Variants in PDE4B observed in about 807,000 individuals in gnomAD.
PDE4B encodes the protein 3',5'-cyclic-AMP phosphodiesterase 4B.
In PDE4B, 20 loss-of-function variants were observed where a neutral mutation model predicts 82.2. The ratio of observed to expected loss-of-function variants is 0.24; its 90% confidence interval spans 0.17 to 0.35. The LOEUF (loss-of-function observed/expected upper bound fraction) is 0.35, where lower values mean the gene tolerates loss of function less well. Among genes scored for constraint, PDE4B ranks in the 10% least tolerant of loss-of-function variants. The pLI is 1.00. For synonymous variants in PDE4B, 320 were observed against 318.9 expected, an observed-to-expected ratio of 1.00 and a Z score of -0.04; for missense variants, 655 against 907.2, an observed-to-expected ratio of 0.72 and a Z score of 3.57.
chr1:66,226,419 G>A (rs1651458268), intron 3 of PDE4B, among the ~76,000 whole-genome samples: 1 of 152,196 alleles, frequency 6.6e-6, no homozygotes, highest in African/African-American at 2.4e-5. Flanking sequence ...TAAGTTAATA[G>A]AATAAGATGA....
intron 3 of PDE4B, among the ~76,000 whole-genome samples, chr1:66,123,573 TTTTA>T (rs1186525997): frequency 6.7e-6 from 1 of 150,226 alleles, no homozygotes; most frequent in East Asian, 2.0e-4. Context: ...TCTCTTATTC[TTTTA>T]TTTGTCTTTT....
At chr1:66,241,630 C>T (rs951576564) in intron 3 of PDE4B, among the ~76,000 whole-genome samples, 2 of 152,012 alleles carry the variant, frequency 1.3e-5, no homozygotes, top group Non-Finnish European at 2.9e-5. Context: ...CTCAGCCTCC[C>T]GATACAGTTA....
At chr1:66,164,178 G>A (rs970577507) in intron 3 of PDE4B, among the ~76,000 whole-genome samples, 2 of 151,966 alleles carry the variant, frequency 1.3e-5, no homozygotes, top group African/African-American at 4.8e-5. Context: ...AATATATTTC[G>A]TATGTGTGTT....
intron 3 of PDE4B, among the ~76,000 whole-genome samples, chr1:65,959,515 T>G (rs2100593063): frequency 6.6e-6 from 1 of 152,252 alleles, no homozygotes; most frequent in South Asian, 2.1e-4. Context: ...CATTTGCAGA[T>G]GGGAGGTGAG....
intron 3 of PDE4B, among the ~76,000 whole-genome samples, chr1:66,224,250 C>T (rs1557644789): frequency 6.6e-6 from 1 of 152,176 alleles, no homozygotes; most frequent in African/African-American, 2.4e-5. Context: ...CCCTCTCACA[C>T]ACATTCTCCA....
At chr1:66,232,704 G>A (rs973416684) in intron 3 of PDE4B, among the ~76,000 whole-genome samples, 8 of 152,152 alleles carry the variant, frequency 5.3e-5, no homozygotes, top group African/African-American at 1.9e-4. Flanking sequence ...GATAACTTGG[G>A]TCAAATATTC....
intron 3 of PDE4B, among the ~76,000 whole-genome samples, chr1:66,205,368 C>T (rs1240686114): frequency 6.6e-6 from 1 of 152,210 alleles, no homozygotes; most frequent in Non-Finnish European, 1.5e-5. Context: ...GAGATAACTA[C>T]TGATAACATT....
intron 3 of PDE4B, among the ~76,000 whole-genome samples, chr1:66,075,092 G>A (rs1035737038): frequency 1.3e-5 from 2 of 151,986 alleles, no homozygotes; most frequent in African/African-American, 4.8e-5. Flanking sequence ...TTGTAGAGGA[G>A]GGCTACTCCA....
chr1:66,203,736 G>A (rs1362527278), intron 3 of PDE4B, among the ~76,000 whole-genome samples: 1 of 148,466 alleles, frequency 6.7e-6, no homozygotes, highest in African/African-American at 2.4e-5. Context: ...GGTTATTCTA[G>A]TTATCCATTC....
At chr1:66,294,588 A>C (rs1456699147) in intron 7 of PDE4B, among the ~76,000 whole-genome samples, 1 of 152,212 alleles carries the variant, frequency 6.6e-6, no homozygotes, top group African/African-American at 2.4e-5. Flanking sequence ...TGTGCTTTGC[A>C]AACAGGTCAG....
At chr1:66,088,676 A>C (rs1029480322) in intron 3 of PDE4B, among the ~76,000 whole-genome samples, 1 of 152,090 alleles carries the variant, frequency 6.6e-6, no homozygotes, top group Non-Finnish European at 1.5e-5. Flanking sequence ...TGAATATTCA[A>C]CAAAGAAGTG....
intron 1 of PDE4B, among the ~76,000 whole-genome samples, chr1:65,864,056 T>A (rs1221990577): frequency 6.6e-6 from 1 of 152,058 alleles, no homozygotes; most frequent in African/African-American, 2.4e-5. Flanking sequence ...CTTTGTTCAT[T>A]CCCTTTCATT....
chr1:66,353,725 G>A (rs993307579), intron 8 of PDE4B, among the ~76,000 whole-genome samples: 2 of 152,120 alleles, frequency 1.3e-5, no homozygotes, highest in African/African-American at 4.8e-5. Context: ...AGAAGGGAGA[G>A]AGAAACCTGC....
chr1:66,043,639 A>G (rs1436129416), intron 3 of PDE4B, among the ~76,000 whole-genome samples: 1 of 151,744 alleles, frequency 6.6e-6, no homozygotes, highest in African/African-American at 2.4e-5. Flanking sequence ...CCAAAGACCA[A>G]CGAAACCATG....
At chr1:66,247,756 T>C in intron 4 of PDE4B, 102 bp downstream of exon 4, 1 of 879,660 alleles carries the variant, frequency 1.1e-6, no homozygotes, top group South Asian at 2.0e-5. Flanking sequence ...ATGGTAAGGA[T>C]GAAGGAAGAA....
intron 3 of PDE4B, among the ~76,000 whole-genome samples, chr1:66,190,637 C>T (rs1036452075): frequency 6.6e-6 from 1 of 152,202 alleles, no homozygotes; most frequent in Non-Finnish European, 1.5e-5. Flanking sequence ...ACCTCTGAGC[C>T]AGGCGTGGGA....
At chr1:65,955,607 G>A (rs1156647496) in intron 3 of PDE4B, among the ~76,000 whole-genome samples, 1 of 152,144 alleles carries the variant, frequency 6.6e-6, no homozygotes, top group Non-Finnish European at 1.5e-5. Context: ...TTCACATTGA[G>A]TTCATTCTGG....
chr1:66,169,043 C>T (rs921123440), intron 3 of PDE4B, among the ~76,000 whole-genome samples: 1 of 152,224 alleles, frequency 6.6e-6, no homozygotes, highest in Non-Finnish European at 1.5e-5. Flanking sequence ...CCCTGAAAAA[C>T]AGACAAAGGG....
chr1:65,962,843 G>T (rs1163478769), intron 3 of PDE4B, among the ~76,000 whole-genome samples: 1 of 152,018 alleles, frequency 6.6e-6, no homozygotes, highest in Non-Finnish European at 1.5e-5. Context: ...ATCCAAAATG[G>T]CACTCTTTTG....
Sources: allele counts gnomAD v4.1 joint callset (sites outside exome capture counted in the v4.1 genomes callset), GRCh38; gene constraint gnomAD v4.1.1; transcripts MANE v1.5; gene names NCBI Gene and HGNC (gene_info 2026-07-23, HGNC 2026-07-21).